PPP1R13L: variants seen among roughly 807,000 people sequenced by gnomAD.
PPP1R13L encodes protein phosphatase 1 regulatory subunit 13 like, also known as relA-associated inhibitor.
Under a neutral mutation model 80.9 loss-of-function variants are expected in PPP1R13L, and 50 were observed. The observed-to-expected ratio is 0.62, with a 90% CI of 0.49 to 0.78. PPP1R13L has a LOEUF of 0.78. Ranked by LOEUF, PPP1R13L falls within the 30% of genes least tolerant of loss-of-function variation. The pLI, the probability that PPP1R13L is intolerant of heterozygous loss-of-function variation, is 0.00. For missense variants in PPP1R13L, 1,200 were observed against 1,205.9 expected (o/e 1.00, Z 0.07); for synonymous variants, 602 against 534.3 (o/e 1.13, Z -1.75).
rs34881055 is a variant in PPP1R13L, at chr19:45,386,631, C to CTT, written c.1816-453_1816-452dup. 2.4e-3 allele frequency among the ~76,000 whole-genome samples: 314 copies of CTT among 133,612 alleles called. 2 individuals carry two copies. The highest frequency in any genetic ancestry group is 7.7e-3 in the African/African-American group (278 of 35,968). 87.7% of individuals were successfully genotyped at this position (133,612 alleles called of 152,430 possible). On this transcript the variant is annotated intron_variant, in intron 8 of 12. Coordinates refer to ENST00000360957, the MANE Select transcript of PPP1R13L (RefSeq NM_006663.4). ...CCTTGTATTTTCCTTTTCTTTTTCT[C>CTT]TTTTTTTTTTTTTTTTTGAGATGGA...
Position 45,385,960 on chromosome 19 carries a change from G to C in PPP1R13L, c.1948-3C>G. The C allele has an allele frequency of 6.2e-7, 1 of 1,609,392 alleles. No individual in the cohort carries two copies. Among genetic ancestry groups the C allele is most frequent in the Non-Finnish European group, 8.5e-7 (1 of 1,178,544 alleles). The stretch of plus-strand genomic sequence containing the variant: ...TTGGGCTGGCTCGGGTCGTTCATCT[G>C]AGTGCACCGGGGGAGGGGGAAGACT... On this transcript the variant is annotated splice_region_variant and splice_polypyrimidine_tract_variant and intron_variant, in intron 9 of 12. Coordinates refer to ENST00000360957, the MANE Select transcript of PPP1R13L (RefSeq NM_006663.4).
In PPP1R13L at chr19:45,396,740, TG is replaced by T. The variant is rs1568560796; in HGVS notation, c.516del (p.Thr173ArgfsTer51). On this transcript the variant is annotated frameshift_variant, in exon 4 of 13. Coordinates refer to ENST00000360957, the MANE Select transcript of PPP1R13L (RefSeq NM_006663.4). LOFTEE classifies it high-confidence loss of function. The surrounding 1 kb of genome is among the most constrained non-coding windows in gnomAD (Gnocchi z 5.3). ...GPGPLRQQGP[P>X]TPFDFLGRAG... ...GCGCGGCCCAGGAAGTCGAAAGGCGTGGGGGGACCCTGCTGGCGGAGCGGGC... is the reference window on the plus strand; with the variant it reads ...GCGCGGCCCAGGAAGTCGAAAGGCGTGGGGGACCCTGCTGGCGGAGCGGGC... 3 of 1,371,546 alleles carry T rather than the reference TG, an allele frequency of 2.2e-6. No individual in the cohort carries two copies. The highest frequency in any genetic ancestry group is 1.8e-5 in the South Asian group (1 of 55,118). 85.0% of individuals were successfully genotyped at this position (1,371,546 alleles called of 1,614,324 possible). A position where few individuals can be genotyped will look rare whatever the true frequency, so the allele number is the denominator to read the frequency against.
chr19:45,400,362 C>G (rs1314574879), intron 1 of PPP1R13L, among the ~76,000 whole-genome samples: 2 of 151,888 alleles, frequency 1.3e-5, no homozygotes, highest in Non-Finnish European at 1.5e-5. Flanking sequence ...CCCATGCTAG[C>G]CACCACACCC....
rs78372644 is a variant in PPP1R13L at position 45,396,083 on chromosome 19, G to C, written c.903+85C>G. 3 of 1,461,748 alleles carry C rather than the reference G, an allele frequency of 2.1e-6. No individual in the cohort carries two copies. The highest frequency in any genetic ancestry group is 2.8e-6 in the Non-Finnish European group (3 of 1,081,280). 90.5% of individuals were successfully genotyped at this position (1,461,748 alleles called of 1,614,324 possible). Reference sequence around the variant, plus strand: ...GCGCCGAGACCCAGATCGCAGCCCCGAGGGGGAGACTGGCCTTGACCCCGC... The same window carrying C: ...GCGCCGAGACCCAGATCGCAGCCCCCAGGGGGAGACTGGCCTTGACCCCGC... On this transcript the variant is annotated intron_variant, in intron 6 of 12. Coordinates refer to ENST00000360957, the MANE Select transcript of PPP1R13L (RefSeq NM_006663.4). This position sits in a 1 kb window ranked among gnomAD's most constrained non-coding sequence, Gnocchi z 5.3.
chr19:45,399,341 T>A (rs1436356286), intron 1 of PPP1R13L, among the ~76,000 whole-genome samples: 1 of 145,808 alleles, frequency 6.9e-6, no homozygotes, highest in Admixed American at 6.9e-5. Flanking sequence ...AAAAACAATA[T>A]CCGCCGGGCG....
In PPP1R13L at chr19:45,392,308, C is replaced by T. The variant is rs1446525433; in HGVS notation, c.1387G>A (p.Glu463Lys). 2 of 1,613,614 alleles carry T rather than the reference C, an allele frequency of 1.2e-6. No homozygotes were observed. The highest frequency in any genetic ancestry group is 3.3e-5 in the Admixed American group (2 of 60,022). ...GTCAGCAGCCCCTCTATCTCCGGCTCAGGCTCCAGCTCGGTGGGGGGTTTG... is the reference window on the plus strand; with the variant it reads ...GTCAGCAGCCCCTCTATCTCCGGCTTAGGCTCCAGCTCGGTGGGGGGTTTG... ...PPKPPTELEP[E>K]PEIEGLLTPV... is the part of the protein sequence containing the mutation. Residue 463 changes from glutamate (E) to lysine (K), a missense_variant, in exon 8 of 13, where the codon GAG (glutamate) becomes AAG (lysine). Around this residue, in one of 5 missense-constraint regions of PPP1R13L, gnomAD observed 764 missense variants for 714.5 expected, o/e 1.07. Coordinates refer to ENST00000360957, the MANE Select transcript of PPP1R13L (RefSeq NM_006663.4).
chr19:45,382,264 T>TA (rs1972777546), intron 12 of PPP1R13L, among the ~76,000 whole-genome samples: 1 of 151,130 alleles, frequency 6.6e-6, no homozygotes, highest in Non-Finnish European at 1.5e-5. Flanking sequence ...AAAATAAAAA[T>TA]AAAAAAATAA....
chr19:45,397,503 T>TTTCG (rs1459901639), intron 3 of PPP1R13L, among the ~76,000 whole-genome samples: 1 of 137,684 alleles, frequency 7.3e-6, no homozygotes, highest in African/African-American at 3.1e-5. Flanking sequence ...TCTTTCTTTC[T>TTTCG]TTCTTTCTTT....
chr19:45,396,573 G>T lies in PPP1R13L; in HGVS notation c.684C>A (p.Ser228Arg). The T allele has an allele frequency of 6.6e-7, 1 of 1,508,788 alleles. No individual in the cohort carries two copies. The allele number at this position is 1,508,788 out of a possible 1,614,324, so 93.5% of individuals were successfully genotyped here. A position where few individuals can be genotyped will look rare whatever the true frequency, so the allele number is the denominator to read the frequency against. Residue 228 changes from serine (S) to arginine (R), a missense_variant, in exon 4 of 13, where the codon AGC (serine) becomes AGA (arginine). Physicochemically the swap from Ser to Arg is moderately radical, Grantham distance 110. Transcript: ENST00000360957. The surrounding 1 kb of genome is among the most constrained non-coding windows in gnomAD (Gnocchi z 5.3). ...FGSSLLGSGG[S>R]AFAPPLRAQD... Reference sequence around the variant, plus strand: ...GCGCGCGCAGAGGCGGGGCGAATGCGCTGCCGCCGGAGCCTAGCAGGGAGC... The same window carrying T: ...GCGCGCGCAGAGGCGGGGCGAATGCTCTGCCGCCGGAGCCTAGCAGGGAGC...
chr19:45,382,400 GC>G (rs1972780047), intron 12 of PPP1R13L, 126 bp downstream of exon 12: 2 of 1,145,874 alleles, frequency 1.7e-6, no homozygotes, highest in Admixed American at 2.3e-5. Context: ...GCAATAATGA[GC>G]TTTTCAGACC....
intron 8 of PPP1R13L, among the ~76,000 whole-genome samples, chr19:45,388,086 T>C (rs1001637762): frequency 4.6e-5 from 7 of 151,870 alleles, no homozygotes; most frequent in African/African-American, 1.5e-4. Context: ...TGAGAATCAC[T>C]TGAACCCAGG....
chr19:45,391,024 C>T (rs551869844), intron 8 of PPP1R13L, among the ~76,000 whole-genome samples: 44 of 152,024 alleles, frequency 2.9e-4, no homozygotes, highest in African/African-American at 9.4e-4. Flanking sequence ...ATGGTGAAAC[C>T]TCATCTCTAC....
chr19:45,383,027 C>G (rs1972796827), intron 11 of PPP1R13L, among the ~76,000 whole-genome samples: 1 of 136,272 alleles, frequency 7.3e-6, no homozygotes, highest in Admixed American at 7.9e-5. Context: ...CAGAGTCTCG[C>G]TCTGTCGCCC....
intron 8 of PPP1R13L, among the ~76,000 whole-genome samples, chr19:45,386,867 C>T (rs1240006452): frequency 1.3e-5 from 2 of 151,778 alleles, no homozygotes; most frequent in African/African-American, 4.8e-5. Context: ...AACTCCTGAC[C>T]TCAGGTGATC....
chr19:45,397,589 C>G (rs1304609229), intron 3 of PPP1R13L, among the ~76,000 whole-genome samples: 1 of 151,164 alleles, frequency 6.6e-6, no homozygotes, highest in Non-Finnish European at 1.5e-5. Context: ...TCCCAAGTAG[C>G]TGGGATTACA....
chr19:45,400,540 G>A (rs551433941), intron 1 of PPP1R13L, among the ~76,000 whole-genome samples: 7 of 151,614 alleles, frequency 4.6e-5, no homozygotes, highest in African/African-American at 1.7e-4. Flanking sequence ...GACCTTGGGC[G>A]TTGAGTCCTC....
intron 1 of PPP1R13L, among the ~76,000 whole-genome samples, chr19:45,398,832 C>A (rs1973170680): frequency 6.6e-6 from 1 of 151,144 alleles, no homozygotes; most frequent in African/African-American, 2.4e-5. Flanking sequence ...AGACCTGAAT[C>A]ACTCCTTGAA....
At chr19:45,390,971 G>A (rs1972960654) in intron 8 of PPP1R13L, among the ~76,000 whole-genome samples, 1 of 152,116 alleles carries the variant, frequency 6.6e-6, no homozygotes, top group Non-Finnish European at 1.5e-5. Context: ...GCTGAGGCAG[G>A]TGGATCATTT....
intron 1 of PPP1R13L, among the ~76,000 whole-genome samples, chr19:45,398,943 C>A (rs149218578): frequency 6.6e-6 from 1 of 151,006 alleles, no homozygotes; most frequent in African/African-American, 2.4e-5. Flanking sequence ...TGTGCTAGAT[C>A]CTGTTTTTGT....
Sources: allele counts gnomAD v4.1 joint callset (sites outside exome capture counted in the v4.1 genomes callset), GRCh38; gene constraint gnomAD v4.1.1; regional missense constraint gnomAD v4.1.1; non-coding constraint Gnocchi (gnomAD v3.1); transcripts MANE v1.5; gene names NCBI Gene and HGNC (gene_info 2026-07-23, HGNC 2026-07-21).